The following ACYP2 variants were observed in gnomAD, a reference collection of about 807,000 sequenced individuals.
The protein encoded by ACYP2 is acylphosphatase 2.
In ACYP2, 12 loss-of-function variants were observed where a neutral mutation model predicts 11.2. The ratio of observed to expected loss-of-function variants is 1.08; its 90% CI spans 0.69 to 1.74. The LOEUF (loss-of-function observed/expected upper bound fraction) is 1.74. Among genes scored for constraint, ACYP2 ranks in the 40% most tolerant of loss-of-function variants. ACYP2 has a pLI of 0.00. For missense variants in ACYP2, 134 were observed against 101.9 expected, an observed-to-expected ratio of 1.31 and a Z score of -1.35; for synonymous variants, 43 against 32.2, an observed-to-expected ratio of 1.33 and a Z score of -1.13.
chr2:54,029,766 T>C (rs1674484165), intron 2 of ACYP2: 2 of 594,796 alleles, frequency 3.4e-6, no homozygotes, highest in Admixed American at 1.9e-5. Context: ...CTGGGGAACA[T>C]TGTAGGCTCT....
At position 54,181,649 on chromosome 2, in the gene ACYP2, C is replaced by A. The variant is rs1349258408; in HGVS notation, c.404+42901C>A. 2.6e-5 allele frequency among the ~76,000 whole-genome samples: 4 copies of A among 152,162 alleles called. No individual in the cohort carries two copies. The East Asian group carries it at 7.7e-4, about 29-fold the overall frequency. ...TATAATTTTAAGAAACTGTTCTATA[C>A]ATCTTCAAATCAATTTAATTCATCA... On this transcript the variant is annotated intron_variant, in intron 6 of 6. Transcript: ENST00000607452.
At chr2:53,998,134 C>A (rs761601655) in intron 2 of ACYP2, among the ~76,000 whole-genome samples, 26 of 152,060 alleles carry the variant, frequency 1.7e-4, no homozygotes, top group Non-Finnish European at 2.9e-4. Flanking sequence ...GAATTTGGGG[C>A]CTTAGAAGAG....
chr2:54,169,812 A>G (rs1572884144), intron 6 of ACYP2, among the ~76,000 whole-genome samples: 1 of 152,326 alleles, frequency 6.6e-6, no homozygotes, highest in African/African-American at 2.4e-5. Context: ...ATATTTAAAA[A>G]CCAGCAACTA....
At chr2:54,145,260 T>C (rs185660478) in intron 6 of ACYP2, among the ~76,000 whole-genome samples, 128 of 152,320 alleles carry the variant, frequency 8.4e-4, no homozygotes, top group African/African-American at 2.8e-3. Flanking sequence ...TAAATCCTTG[T>C]GATAAATGAC....
chr2:54,177,136 C>G (rs1683496024), intron 6 of ACYP2, among the ~76,000 whole-genome samples: 1 of 152,178 alleles, frequency 6.6e-6, no homozygotes, highest in Non-Finnish European at 1.5e-5. Context: ...GACACATTCT[C>G]CTGCCCTCCA....
chr2:54,016,372 A>G (rs1673682312), intron 2 of ACYP2, among the ~76,000 whole-genome samples: 1 of 151,644 alleles, frequency 6.6e-6, no homozygotes, highest in African/African-American at 2.4e-5. Flanking sequence ...TTTTTTTTTA[A>G]TTCAGAAGAG....
chr2:54,116,621 C>G (rs1402328605), intron 4 of ACYP2, among the ~76,000 whole-genome samples: 2 of 151,504 alleles, frequency 1.3e-5, no homozygotes, highest in Non-Finnish European at 2.9e-5. Context: ...ATAAGGCTCT[C>G]TTAGAAACAA....
At chr2:54,154,607 A>C (rs1197368116) in intron 6 of ACYP2, among the ~76,000 whole-genome samples, 1 of 152,200 alleles carries the variant, frequency 6.6e-6, no homozygotes, top group African/African-American at 2.4e-5. Flanking sequence ...TCATCTTTGT[A>C]TCCCTGGGAT....
intron 4 of ACYP2, among the ~76,000 whole-genome samples, chr2:54,080,782 C>A (rs1317466770): frequency 6.6e-6 from 1 of 151,908 alleles, no homozygotes; most frequent in Admixed American, 6.6e-5. Context: ...GCCACCGTGC[C>A]CTGCCTCTTT....
intron 6 of ACYP2, among the ~76,000 whole-genome samples, chr2:54,214,920 T>C (rs563892068): frequency 6.6e-6 from 1 of 152,330 alleles, no homozygotes; most frequent in South Asian, 2.1e-4. Flanking sequence ...TCATATCTGA[T>C]GTTTTTCAGC....
chr2:54,303,194 C>CA (rs1373793654), intron 6 of ACYP2, among the ~76,000 whole-genome samples: 2 of 151,880 alleles, frequency 1.3e-5, no homozygotes, highest in Admixed American at 6.6e-5. Context: ...TACTAAAATT[C>CA]AAAAAAATTA....
At position 53,978,036 on chromosome 2, in the gene ACYP2, T is replaced by A. The variant is rs372633722; in HGVS notation, c.62+4226T>A. The stretch of plus-strand genomic sequence containing the variant: ...CAGCACTTTGGGAGGCTGAGGCAGG[T>A]GGATCACTTGAGGTCAGGAGTTCGA... On this transcript the variant is annotated intron_variant, in intron 2 of 6. Coordinates refer to ENST00000607452, the MANE Select transcript of ACYP2 (RefSeq NM_001320586.2). 1.1e-4 allele frequency among the ~76,000 whole-genome samples: 17 copies of A among 151,506 alleles called. No homozygotes were observed. The East Asian group carries it at 3.3e-3, about 30-fold the overall frequency.
chr2:54,031,908 G>A (rs1340043741), intron 2 of ACYP2, among the ~76,000 whole-genome samples: 2 of 152,090 alleles, frequency 1.3e-5, no homozygotes, highest in Non-Finnish European at 2.9e-5. Context: ...GTGTCTTTTG[G>A]CCGCATAAAT....
At position 54,213,410 on chromosome 2, in the gene ACYP2, C is replaced by T. The variant is rs973850472; in HGVS notation, c.404+74662C>T. Among the ~76,000 whole-genome samples, 18 of 152,058 alleles carry T rather than the reference C, an allele frequency of 1.2e-4. No individual in the cohort carries two copies. In the East Asian group the frequency reaches 3.3e-3, roughly 28 times the overall value. ...GTACTGTGATAAACATATACGTGCA[C>T]GTGTCTTTATGGTAGAATGATTTAT... On this transcript the variant is annotated intron_variant, in intron 6 of 6. Coordinates refer to ENST00000607452, the MANE Select transcript of ACYP2 (RefSeq NM_001320586.2).
intron 2 of ACYP2, among the ~76,000 whole-genome samples, chr2:54,037,742 A>G (rs1405999005): frequency 5.9e-5 from 9 of 152,232 alleles, no homozygotes. Context: ...AAAAAAGTGA[A>G]TAAAATATAT....
At chr2:53,983,622 C>T (rs181720754) in intron 2 of ACYP2, among the ~76,000 whole-genome samples, 7 of 152,116 alleles carry the variant, frequency 4.6e-5, no homozygotes, top group Admixed American at 6.6e-5. Flanking sequence ...ATAGTATATA[C>T]GGCTGAAGCA....
chr2:54,254,645 A>C (rs1407126568), intron 6 of ACYP2: 1 of 407,338 alleles, frequency 2.5e-6, no homozygotes, highest in Non-Finnish European at 4.4e-6. Context: ...AATACAGTGT[A>C]ACCTACAGCA....
At chr2:54,077,498 A>G (rs1404359692) in intron 4 of ACYP2, among the ~76,000 whole-genome samples, 1 of 152,248 alleles carries the variant, frequency 6.6e-6, no homozygotes, top group Non-Finnish European at 1.5e-5. Context: ...TGCATGCAGT[A>G]TTGCAGCACG....
rs775237196 is a variant in ACYP2 at position 53,989,277 on chromosome 2, CT to C, written c.62+15490del. Among the ~76,000 whole-genome samples the C allele has an allele frequency of 7.8e-3, 741 of 94,806 alleles. 3 individuals are homozygous for C. The highest frequency in any genetic ancestry group is 0.056 in the Middle Eastern group (7 of 124). The allele number at this position is 94,806 out of a possible 152,430, so 62.2% of individuals were successfully genotyped here. A position where few individuals can be genotyped will look rare whatever the true frequency, so the allele number is the denominator to read the frequency against. ...CAAAAAGTCAGATTGGTAGACAATTCTTTTTTTTTTTTTTTTTTTTTTTCAC... is the reference window on the plus strand; with the variant it reads ...CAAAAAGTCAGATTGGTAGACAATTCTTTTTTTTTTTTTTTTTTTTTTCAC... On this transcript the variant is annotated intron_variant, in intron 2 of 6. Coordinates refer to ENST00000607452, the MANE Select transcript of ACYP2 (RefSeq NM_001320586.2).
Sources: gnomAD v4.1 joint callset for allele counts (sites outside exome capture counted in the v4.1 genomes callset) on GRCh38, gnomAD v4.1.1 for gene constraint, MANE v1.5 for transcripts, NCBI Gene and HGNC (gene_info 2026-07-23, HGNC 2026-07-21) for gene names.